BBS9: variants seen among roughly 807,000 people sequenced by gnomAD.
BBS9 encodes the protein protein PTHB1.
Under a neutral mutation model 117.7 loss-of-function variants are expected in BBS9, and 89 were observed. The ratio of observed to expected loss-of-function variants is 0.76; its 90% CI spans 0.64 to 0.90. The LOEUF (loss-of-function observed/expected upper bound fraction) is 0.90, where lower values mean the gene tolerates loss of function less well. Among genes scored for constraint, BBS9 ranks in the 40% least tolerant of loss-of-function variants. BBS9 has a pLI of 0.00. For missense variants in BBS9, 982 were observed against 1,042.2 expected, an observed-to-expected ratio of 0.94 and a Z score of 0.80; for synonymous variants, 379 against 370.9, an observed-to-expected ratio of 1.02 and a Z score of -0.25.
intron 4 of BBS9, among the ~76,000 whole-genome samples, chr7:33,164,190 G>T (rs1202843098): frequency 6.6e-6 from 1 of 152,226 alleles, no homozygotes; most frequent in Non-Finnish European, 1.5e-5. Flanking sequence ...ACTGTGGTCT[G>T]AGAGACAGTT....
intron 21 of BBS9, among the ~76,000 whole-genome samples, chr7:33,577,026 T>C (rs1331512068): frequency 6.6e-6 from 1 of 152,070 alleles, no homozygotes; most frequent in Non-Finnish European, 1.5e-5. Context: ...ACCAAAGCAA[T>C]GGCAACAAAA....
intron 21 of BBS9, among the ~76,000 whole-genome samples, chr7:33,565,827 ACCGCTATATATACTGCT>A (rs1427995487): frequency 2.0e-3 from 84 of 42,764 alleles, no homozygotes; most frequent in African/African-American, 0.017. Context: ...ATATATATAT[ACCGCTATATATACTGCT>A]TATATATATA....
At chr7:33,190,287 C>A (rs1783904873) in intron 5 of BBS9, among the ~76,000 whole-genome samples, 1 of 151,824 alleles carries the variant, frequency 6.6e-6, no homozygotes, top group South Asian at 2.1e-4. Flanking sequence ...ACTCGGCTAA[C>A]TTTTTGTATT....
At chr7:33,327,176 C>A (rs1486909194) in intron 9 of BBS9, among the ~76,000 whole-genome samples, 2 of 152,096 alleles carry the variant, frequency 1.3e-5, no homozygotes, top group African/African-American at 4.8e-5. Context: ...TGGACAATTT[C>A]ATTTTTTATT....
intron 9 of BBS9, among the ~76,000 whole-genome samples, chr7:33,333,480 C>T (rs1037371446): frequency 5.9e-5 from 9 of 152,032 alleles, no homozygotes; most frequent in African/African-American, 2.2e-4. Context: ...GGTTTCATAT[C>T]TTTGCAAATG....
chr7:33,277,365 C>A (rs910948244), intron 9 of BBS9, among the ~76,000 whole-genome samples: 1 of 152,064 alleles, frequency 6.6e-6, no homozygotes, highest in Non-Finnish European at 1.5e-5. Context: ...CATCTAATGC[C>A]CAATAGCTGA....
intron 5 of BBS9, among the ~76,000 whole-genome samples, chr7:33,244,370 G>A (rs575230457): frequency 3.9e-5 from 6 of 152,310 alleles, no homozygotes; most frequent in African/African-American, 1.4e-4. Context: ...GTTTTACTGA[G>A]TACTTTAGCA....
intron 19 of BBS9, among the ~76,000 whole-genome samples, chr7:33,499,486 T>C (rs1182965161): frequency 6.6e-6 from 1 of 152,252 alleles, no homozygotes; most frequent in Non-Finnish European, 1.5e-5. Context: ...TCATCTATGC[T>C]GACCTTTTAT....
intron 5 of BBS9, among the ~76,000 whole-genome samples, chr7:33,219,304 G>A (rs12674454): frequency 0.15 from 22,819 of 152,196 alleles, 2,003 homozygotes; most frequent in South Asian, 0.23. Flanking sequence ...GGTGAGCGCC[G>A]CCCCGTGCTC....
chr7:33,264,389 T>A lies in BBS9; in HGVS notation c.702+15T>A, dbSNP rs1798457495. 2.7e-6 allele frequency: 4 copies of A among 1,501,276 alleles called. No individual in the cohort carries two copies. The highest frequency in any genetic ancestry group is 1.4e-5 in the African/African-American group (1 of 72,356). The allele number at this position is 1,501,276 out of a possible 1,614,324, so 93.0% of individuals were successfully genotyped here. On this transcript the variant is annotated intron_variant, in intron 7 of 22. Coordinates refer to ENST00000242067, the MANE Select transcript of BBS9 (RefSeq NM_198428.3). Reference sequence around the variant, plus strand: ...AAAGACTAGTTGTAAGGCCTTTTTTTAATATATAAAAATTTCAATAATGCT... The same window carrying A: ...AAAGACTAGTTGTAAGGCCTTTTTTAAATATATAAAAATTTCAATAATGCT...
Position 33,464,222 on chromosome 7 carries a change from G to A in BBS9, c.2116-41241G>A, listed in dbSNP as rs1188646974. Among the ~76,000 whole-genome samples, 3 of 152,076 alleles carry A rather than the reference G, an allele frequency of 2.0e-5. No individual in the cohort carries two copies. The South Asian group carries it at 6.2e-4, about 32-fold the overall frequency. ...AGACAGACATTATCAGAAAAGCTAG[G>A]TCAAGATAAAACAAACATGAGCCTT... On this transcript the variant is annotated intron_variant, in intron 19 of 22. Transcript: ENST00000242067.
At chr7:33,453,662 C>T (rs1468209969) in intron 19 of BBS9, among the ~76,000 whole-genome samples, 1 of 151,954 alleles carries the variant, frequency 6.6e-6, no homozygotes, top group Non-Finnish European at 1.5e-5. Flanking sequence ...GCTAGGATTA[C>T]AGGCATGCAC....
chr7:33,300,130 A>G (rs13240939), intron 9 of BBS9, among the ~76,000 whole-genome samples: 3,762 of 152,194 alleles, frequency 0.025, 69 homozygotes, highest in Middle Eastern at 0.044. Context: ...GCTATAAGAG[A>G]GGGCCATCTG....
chr7:33,560,925 C>G (rs1585259557), intron 21 of BBS9, among the ~76,000 whole-genome samples: 1 of 152,274 alleles, frequency 6.6e-6, no homozygotes, highest in African/African-American at 2.4e-5. Context: ...CTCACTAGCA[C>G]CTACCCATCC....
At chr7:33,389,192 A>G (rs1251680243) in intron 19 of BBS9, among the ~76,000 whole-genome samples, 2 of 150,270 alleles carry the variant, frequency 1.3e-5, no homozygotes. Flanking sequence ...TAGATTCAGC[A>G]TCCGCCACCA....
At chr7:33,276,141 CTG>C (rs1279847172) in intron 9 of BBS9, among the ~76,000 whole-genome samples, 2 of 152,106 alleles carry the variant, frequency 1.3e-5, no homozygotes, top group Non-Finnish European at 2.9e-5. Flanking sequence ...TAGGATTAGA[CTG>C]TGTTTGAAAG....
At position 33,142,172 on chromosome 7, in the gene BBS9, C is replaced by T. The variant is rs537459258; in HGVS notation, c.-11-4070C>T. The stretch of plus-strand genomic sequence containing the variant: ...TCCTGACCTCGTGATCCGCCCGCCT[C>T]GGCCTCCCAAAGTGCTGGGATTACA... On this transcript the variant is annotated intron_variant, in intron 1 of 22. Transcript: ENST00000242067. Among the ~76,000 whole-genome samples the T allele has an allele frequency of 1.9e-3, 282 of 152,254 alleles. 1 individual carries two copies. The highest frequency in any genetic ancestry group is 6.0e-3 in the African/African-American group (251 of 41,548).
intron 12 of BBS9, 22 bp from the exon 13 acceptor site, chr7:33,349,046 A>G: frequency 6.7e-7 from 1 of 1,489,482 alleles, no homozygotes. Context: ...TTTTCTATTG[A>G]TAACAATTTC....
chr7:33,328,956 ACT>A (rs1563005557), intron 9 of BBS9, among the ~76,000 whole-genome samples: 1 of 151,492 alleles, frequency 6.6e-6, no homozygotes, highest in East Asian at 1.9e-4. Context: ...GGAAAATAGA[ACT>A]TTTTTTTTCT....
Sources: allele counts gnomAD v4.1 joint callset (sites outside exome capture counted in the v4.1 genomes callset), GRCh38; gene constraint gnomAD v4.1.1; transcripts MANE v1.5; gene names NCBI Gene and HGNC (gene_info 2026-07-23, HGNC 2026-07-21).